The following PPP2R5E variants were observed in gnomAD, a reference collection of about 807,000 sequenced individuals.
The protein encoded by PPP2R5E is protein phosphatase 2 regulatory subunit B'epsilon.
PPP2R5E carries 4 observed loss-of-function variants against 65.3 expected under a neutral mutation model. That is an observed-to-expected ratio of 0.06 (90% CI 0.03 to 0.14). The LOEUF (loss-of-function observed/expected upper bound fraction) is 0.14. PPP2R5E is among the 10% of genes least tolerant of loss of function. The probability of loss-of-function intolerance (pLI) is 1.00; values close to 1 mark genes in which losing one functional copy is unlikely to be tolerated. For missense variants in PPP2R5E, 274 were observed against 556.1 expected, an observed-to-expected ratio of 0.49 and a Z score of 5.10; for synonymous variants, 183 against 187.4, an observed-to-expected ratio of 0.98 and a Z score of 0.19.
At chr14:63,451,827 G>A (rs1888849765) in intron 3 of PPP2R5E, 1 of 151,966 alleles carries the variant, frequency 6.6e-6, no homozygotes, top group African/African-American at 2.4e-5. Context: ...CAGGGACAGG[G>A]GCATATGAGA....
chr14:63,496,726 A>G (rs1268598584), intron 2 of PPP2R5E, among the ~76,000 whole-genome samples: 1 of 152,120 alleles, frequency 6.6e-6, no homozygotes, highest in Non-Finnish European at 1.5e-5. Flanking sequence ...GATCTGAGTA[A>G]TCAAAACTAA....
chr14:63,465,215 T>G (rs1237347963), intron 2 of PPP2R5E, among the ~76,000 whole-genome samples: 1 of 152,118 alleles, frequency 6.6e-6, no homozygotes, highest in African/African-American at 2.4e-5. Context: ...CATAACTTAT[T>G]AAAACTATCT....
chr14:63,421,537 G>C (rs1887024249), intron 4 of PPP2R5E, among the ~76,000 whole-genome samples: 1 of 152,164 alleles, frequency 6.6e-6, no homozygotes, highest in Non-Finnish European at 1.5e-5. Flanking sequence ...GAACGAAATA[G>C]CTATTACAGT....
At chr14:63,406,585 C>T (rs960721782) in intron 5 of PPP2R5E, among the ~76,000 whole-genome samples, 3 of 152,188 alleles carry the variant, frequency 2.0e-5, no homozygotes, top group South Asian at 2.1e-4. Context: ...CTCTCTAAAT[C>T]GCCACAGTTT....
At chr14:63,421,655 G>C (rs990812201) in intron 4 of PPP2R5E, among the ~76,000 whole-genome samples, 3 of 152,212 alleles carry the variant, frequency 2.0e-5, no homozygotes, top group Admixed American at 2.0e-4. Flanking sequence ...TACTCTGTGA[G>C]CTAATCACAT....
chr14:63,497,052 T>G (rs1891607441), intron 2 of PPP2R5E, among the ~76,000 whole-genome samples: 1 of 152,134 alleles, frequency 6.6e-6, no homozygotes, highest in Non-Finnish European at 1.5e-5. Context: ...TTAACTGCTT[T>G]TAAATGGAAC....
chr14:63,489,849 T>A (rs4902230), intron 2 of PPP2R5E, among the ~76,000 whole-genome samples: 22,245 of 152,030 alleles, frequency 0.15, 1,760 homozygotes, highest in East Asian at 0.21. Flanking sequence ...CTACATTATC[T>A]ATGTTTAAAG....
At chr14:63,400,953 A>T (rs1885719624) in intron 5 of PPP2R5E, among the ~76,000 whole-genome samples, 1 of 152,216 alleles carries the variant, frequency 6.6e-6, no homozygotes, top group Non-Finnish European at 1.5e-5. Context: ...GCAAAACTTG[A>T]ATCAACCTTC....
chr14:63,476,128 A>G (rs1412472413), intron 2 of PPP2R5E, among the ~76,000 whole-genome samples: 1 of 152,246 alleles, frequency 6.6e-6, no homozygotes, highest in Non-Finnish European at 1.5e-5. Flanking sequence ...AGCTGGAGTC[A>G]GAATATTCCA....
intron 2 of PPP2R5E, among the ~76,000 whole-genome samples, chr14:63,500,596 G>A (rs758703833): frequency 1.3e-5 from 2 of 152,192 alleles, no homozygotes; most frequent in Non-Finnish European, 2.9e-5. Flanking sequence ...ATCCCTGGGT[G>A]GGCACAGCGG....
rs553673770 is a variant in PPP2R5E at position 63,403,160 on chromosome 14, C to T, written c.550-6444G>A. ...TATGTAGGCAGGCAGGGCACAGTGG[C>T]TCACGCCTGTAATCCCAGCACTTTG... is the stretch of plus-strand genomic sequence containing the variant. On this transcript the variant is annotated intron_variant, in intron 5 of 13. Coordinates refer to ENST00000337537, the MANE Select transcript of PPP2R5E (RefSeq NM_006246.5). Among the ~76,000 whole-genome samples, 3 of 152,266 alleles carry T rather than the reference C, an allele frequency of 2.0e-5. No homozygotes were observed. The South Asian group carries it at 6.2e-4, about 32-fold the overall frequency.
intron 13 of PPP2R5E, 132 bp downstream of exon 13, chr14:63,381,924 T>C: frequency 1.6e-6 from 1 of 627,578 alleles, no homozygotes; most frequent in Non-Finnish European, 2.8e-6. Flanking sequence ...ATACTGGTTG[T>C]TAAGTAATGC....
intron 5 of PPP2R5E, among the ~76,000 whole-genome samples, chr14:63,412,108 T>G (rs76581242): frequency 6.6e-6 from 1 of 152,284 alleles, no homozygotes; most frequent in Non-Finnish European, 1.5e-5. Context: ...GGATAAATGA[T>G]TCCACAGGAA....
chr14:63,535,099 G>A (rs1189529044), intron 2 of PPP2R5E, among the ~76,000 whole-genome samples: 3 of 152,170 alleles, frequency 2.0e-5, no homozygotes, highest in Non-Finnish European at 1.5e-5. Context: ...TAACATCAGT[G>A]ATACAGATTT....
At chr14:63,395,369 AG>A (rs1394991761) in intron 6 of PPP2R5E, 84 bp from the exon 7 acceptor site, 1 of 583,194 alleles carries the variant, frequency 1.7e-6, no homozygotes, top group East Asian at 5.2e-5. Flanking sequence ...GAGGAGGAGA[AG>A]GGGGAGGAGG....
At chr14:63,464,332 A>T (rs186868705) in intron 2 of PPP2R5E, among the ~76,000 whole-genome samples, 1 of 152,328 alleles carries the variant, frequency 6.6e-6, no homozygotes, top group East Asian at 1.9e-4. Context: ...CTGGGGTTGA[A>T]GGGTACAATG....
At chr14:63,500,534 C>T (rs1453496374) in intron 2 of PPP2R5E, among the ~76,000 whole-genome samples, 2 of 152,106 alleles carry the variant, frequency 1.3e-5, no homozygotes, top group Non-Finnish European at 2.9e-5. Context: ...GACACAGAAA[C>T]AGTAAATACC....
chr14:63,521,382 T>C (rs1458576564), intron 2 of PPP2R5E, among the ~76,000 whole-genome samples: 2 of 152,146 alleles, frequency 1.3e-5, no homozygotes. Context: ...AAACACCAGT[T>C]AGTTGGCCGG....
chr14:63,413,793 T>C (rs1354314033), intron 5 of PPP2R5E, among the ~76,000 whole-genome samples: 3 of 152,208 alleles, frequency 2.0e-5, no homozygotes, highest in African/African-American at 7.2e-5. Context: ...TCCATCTATT[T>C]ACCTACCTTT....
Sources: gnomAD v4.1 joint callset for allele counts (sites outside exome capture counted in the v4.1 genomes callset) on GRCh38, gnomAD v4.1.1 for gene constraint, MANE v1.5 for transcripts, NCBI Gene and HGNC (gene_info 2026-07-23, HGNC 2026-07-21) for gene names.